Variants in LRRC37B observed in about 807,000 individuals in gnomAD.
The protein encoded by LRRC37B is leucine-rich repeat-containing protein 37B.
In LRRC37B, 28 loss-of-function variants were observed where a neutral mutation model predicts 98.3. The ratio of observed to expected loss-of-function variants is 0.28; its 90% CI spans 0.21 to 0.39. LRRC37B has a LOEUF of 0.39. LRRC37B is among the 10% of genes least tolerant of loss of function. The pLI is 1.00. For synonymous variants in LRRC37B, 364 were observed against 442.7 expected (o/e 0.82, Z 2.23); for missense variants, 938 against 1,182.7 (o/e 0.79, Z 3.03).
At position 32,049,090 on chromosome 17, in the gene LRRC37B, T is replaced by C. The variant is rs773983542; in HGVS notation, c.2465-12T>C. 1 of 1,613,526 alleles carries C rather than the reference T, an allele frequency of 6.2e-7. No individual in the cohort carries two copies. On this transcript the variant is annotated splice_polypyrimidine_tract_variant and intron_variant, in intron 9 of 11. Coordinates refer to ENST00000327564, the Ensembl canonical transcript of LRRC37B. ...CCCAAAAGCTTCAATTACCCATTGC[T>C]CTCGTCCCCAGGTGATCAGCTTGAA... is the stretch of plus-strand genomic sequence containing the variant.
At chr17:32,027,410 C>CCT (rs1910991152) in intron 2 of LRRC37B, among the ~76,000 whole-genome samples, 1 of 129,598 alleles carries the variant, frequency 7.7e-6, no homozygotes, top group Non-Finnish European at 1.6e-5. Flanking sequence ...TGTGTGCTTG[C>CCT]AAGTGTGTGT....
In LRRC37B at chr17:32,053,259, A is replaced by G. The variant is rs1911807930; in HGVS notation, c.2863-7A>G. On this transcript the variant is annotated splice_region_variant and splice_polypyrimidine_tract_variant and intron_variant, in intron 11 of 11. Coordinates refer to ENST00000327564, the Ensembl canonical transcript of LRRC37B. ...GATAACCTTAATTGTGTTTTCTTCCAAAACAGGTGAATTCACATAAAAGGG... is the reference window on the plus strand; with the variant it reads ...GATAACCTTAATTGTGTTTTCTTCCGAAACAGGTGAATTCACATAAAAGGG... 1.2e-6 allele frequency: 2 copies of G among 1,606,476 alleles called. No homozygotes were observed. The highest frequency in any genetic ancestry group is 1.7e-6 in the Non-Finnish European group (2 of 1,176,890).
intron 1 of LRRC37B, among the ~76,000 whole-genome samples, chr17:32,023,389 C>T (rs537934612): frequency 6.6e-6 from 1 of 152,214 alleles, no homozygotes; most frequent in Non-Finnish European, 1.5e-5. Context: ...TCCCAAAGTG[C>T]TGGGATTACA....
intron 9 of LRRC37B, 127 bp from the exon 13 acceptor site, chr17:32,048,975 G>T: frequency 6.5e-7 from 1 of 1,534,290 alleles, no homozygotes; most frequent in Non-Finnish European, 9.0e-7. Context: ...GGCAGTTTCC[G>T]CTGGGACTGC....
At chr17:32,029,191 C>T (rs530677875) in intron 3 of LRRC37B, among the ~76,000 whole-genome samples, 34 of 152,094 alleles carry the variant, frequency 2.2e-4, no homozygotes, top group Admixed American at 3.9e-4. Flanking sequence ...TTAGTAGAGA[C>T]GGGGTTTCAC....
At chr17:32,027,550 A>C (rs1221481736) in intron 2 of LRRC37B, among the ~76,000 whole-genome samples, 1 of 146,172 alleles carries the variant, frequency 6.8e-6, no homozygotes, top group Non-Finnish European at 1.5e-5. Context: ...TGTGCCTGCA[A>C]ATGTGTGTGT....
chr17:32,021,552 C>T (rs747377181), exon 1 of LRRC37B: 3 of 1,614,084 alleles, frequency 1.9e-6, no homozygotes, highest in Non-Finnish European at 2.5e-6. Context: ...AGAGGTGGTT[C>T]CGCTTCTCAA....
At chr17:32,041,719 G>A (rs1405067208) in intron 7 of LRRC37B, 2 of 457,640 alleles carry the variant, frequency 4.4e-6, no homozygotes, top group Non-Finnish European at 8.8e-6. Context: ...GGGTGGGGAC[G>A]CTTGTTTAAA....
intron 7 of LRRC37B, 179 bp downstream of exon 10, chr17:32,035,818 A>G: frequency 1.6e-6 from 1 of 628,232 alleles, no homozygotes; most frequent in South Asian, 2.3e-5. Flanking sequence ...CATTCCCAAT[A>G]TAAAGCATTT....
intron 5 of LRRC37B, chr17:32,034,141 G>C (rs1911178250): frequency 6.6e-6 from 1 of 152,106 alleles, no homozygotes; most frequent in Non-Finnish European, 1.5e-5. Flanking sequence ...TAAAGCAAAA[G>C]AATTGGTCCT....
At chr17:32,007,768 A>T, upstream of LRRC37B, 1 of 1,192,076 alleles carries the variant, frequency 8.4e-7, no homozygotes, top group Non-Finnish European at 1.0e-6. This position sits in a 1 kb window ranked among gnomAD's most constrained non-coding sequence, Gnocchi z 4.1. Context: ...CGCCAGGCTG[A>T]GGTGGCGCCC....
chr17:32,040,955 C>G (rs1911408508), intron 7 of LRRC37B: 2 of 939,850 alleles, frequency 2.1e-6, no homozygotes, highest in African/African-American at 3.2e-5. Flanking sequence ...AGGGCAAGAT[C>G]CCCGATGAGG....
At position 32,021,540 on chromosome 17, in the gene LRRC37B, C is replaced by T. The variant is rs771877911; in HGVS notation, c.475C>T (p.Pro159Ser). The change falls in exon 1 of 12, where the codon CCA becomes TCA. Residue 159 changes from proline to serine, a missense_variant. Pro to Ser is a moderately conservative substitution (Grantham distance 74, BLOSUM62 -1). Transcript: ENST00000327564. ...CAAGCGGACTCCAGAAGAAAGGCTCCCAGAGGTGGTTCCGCTTCTCAACCG... is the reference window on the plus strand; with the variant it reads ...CAAGCGGACTCCAGAAGAAAGGCTCTCAGAGGTGGTTCCGCTTCTCAACCG... 1 of 1,613,996 alleles carries T rather than the reference C, an allele frequency of 6.2e-7. No individual in the cohort carries two copies. The highest frequency in any genetic ancestry group is 2.2e-5 in the East Asian group (1 of 44,894).
rs572446567 is a variant in LRRC37B, at chr17:32,041,324, G to A, written c.2205-4376G>A. Reference sequence around the variant, plus strand: ...ACAAGTCCATCTGGACTCCTAGCAGGAGCATGCCGCCCCTAGACCAGCCAA... The same window carrying A: ...ACAAGTCCATCTGGACTCCTAGCAGAAGCATGCCGCCCCTAGACCAGCCAA... On this transcript the variant is annotated intron_variant, in intron 7 of 11. Transcript: ENST00000327564. 132 of 755,890 alleles carry A rather than the reference G, an allele frequency of 1.7e-4. 1 individual carries two copies. Among genetic ancestry groups the A allele is most frequent in the South Asian group, 1.7e-3 (129 of 74,018 alleles). 46.8% of individuals were successfully genotyped at this position (755,890 alleles called of 1,614,324 possible).
At chr17:32,035,503 C>A in intron 6 of LRRC37B, 62 bp from the exon 10 acceptor site, 1 of 1,509,362 alleles carries the variant, frequency 6.6e-7, no homozygotes, top group East Asian at 2.3e-5. Context: ...CTTGAATTAT[C>A]TTTTGAAGTA....
chr17:32,021,633 G>T, exon 1 of LRRC37B: 1 of 1,614,234 alleles, frequency 6.2e-7, no homozygotes, highest in Non-Finnish European at 8.5e-7. Context: ...TCTAGATCGG[G>T]CTGCAGGTCA....
upstream of LRRC37B, among the ~76,000 whole-genome samples, chr17:32,018,789 A>AT (rs1159655814): frequency 6.6e-6 from 1 of 152,174 alleles, no homozygotes; most frequent in Admixed American, 6.5e-5. Context: ...TGGGTGGACT[A>AT]TTTTGCTGAA....
upstream of LRRC37B, chr17:32,020,843 C>A: frequency 1.1e-6 from 1 of 940,308 alleles, no homozygotes; most frequent in Non-Finnish European, 1.5e-6. Flanking sequence ...GTGCCCCCAC[C>A]CCACCCCACC....
intron 7 of LRRC37B, among the ~76,000 whole-genome samples, chr17:32,043,547 G>A (rs1046943650): frequency 1.2e-4 from 19 of 152,224 alleles, no homozygotes; most frequent in Non-Finnish European, 2.4e-4. Context: ...GTAACAGAGC[G>A]AGACTCAGCC....
Sources: allele counts gnomAD v4.1 joint callset (sites outside exome capture counted in the v4.1 genomes callset), GRCh38; gene constraint gnomAD v4.1.1; non-coding constraint Gnocchi (gnomAD v3.1); transcripts MANE v1.5; gene names NCBI Gene and HGNC (gene_info 2026-07-23, HGNC 2026-07-21).